The following GALNT16 variants were observed in gnomAD, a reference collection of about 807,000 sequenced individuals.
The protein encoded by GALNT16 is UDP-GalNAc:polypeptide N-acetylgalactosaminyltransferase-like protein 1.
A neutral mutation model predicts 76.1 loss-of-function variants in GALNT16; 40 were observed. That is an observed-to-expected ratio of 0.53 (90% confidence interval 0.41 to 0.68). The LOEUF (loss-of-function observed/expected upper bound fraction) is 0.68. GALNT16 is among the 30% of genes least tolerant of loss of function. The pLI is 0.00. For synonymous variants in GALNT16, 276 were observed against 285.2 expected, an observed-to-expected ratio of 0.97 and a Z score of 0.32; for missense variants, 621 against 731.9, an observed-to-expected ratio of 0.85 and a Z score of 1.75.
chr14:69,276,234 AAAG>A lies in GALNT16; in HGVS notation c.177+15772_177+15774del, dbSNP rs944674887. The stretch of plus-strand genomic sequence containing the variant: ...CATCTGTTTCCAAAAAAAGAAAAAA[AAAG>A]AAGACCAAAGAAGATACACAGCGCA... On this transcript the variant is annotated intron_variant, in intron 1 of 14. Transcript: ENST00000448469. Among the ~76,000 whole-genome samples, 6 of 152,366 alleles carry A rather than the reference AAAG, an allele frequency of 3.9e-5. 1 individual carries two copies. In the Middle Eastern group the frequency reaches 0.017, roughly 432 times the overall value.
At chr14:69,355,004 G>T (rs1356853574), downstream of GALNT16, 1 of 152,210 alleles carries the variant, frequency 6.6e-6, no homozygotes, top group Admixed American at 6.5e-5. Flanking sequence ...GACCAGCTTT[G>T]CTTGATTGGG....
chr14:69,358,716 A>G (rs1594876762), downstream of GALNT16: 2 of 152,370 alleles, frequency 1.3e-5, no homozygotes, highest in African/African-American at 2.4e-5. Flanking sequence ...CATCACACCC[A>G]TCATCAAGCC....
Position 69,320,409 on chromosome 14 carries a change from C to T in GALNT16, c.178-302C>T, listed in dbSNP as rs571932581. Among the ~76,000 whole-genome samples the T allele has an allele frequency of 4.2e-4, 64 of 151,816 alleles. No homozygotes were observed. The East Asian group carries it at 0.011, about 26-fold the overall frequency. On this transcript the variant is annotated intron_variant, in intron 1 of 14. Transcript: ENST00000448469. The stretch of plus-strand genomic sequence containing the variant: ...ACTTGGGAGGCTGAGACAGGAGAAT[C>T]GCTTCAACCTGGGAGGCAGAGGTTG...
At chr14:69,275,855 T>G in intron 1 of GALNT16, among the ~76,000 whole-genome samples, 1 of 152,202 alleles carries the variant, frequency 6.6e-6, no homozygotes, top group East Asian at 1.9e-4. Flanking sequence ...AAGTGAGACA[T>G]GTATTAGTCC....
the GALNT16 span, among the ~76,000 whole-genome samples, chr14:69,385,373 C>T: frequency 6.6e-6 from 1 of 152,136 alleles, no homozygotes; most frequent in Non-Finnish European, 1.5e-5. Flanking sequence ...ACCTGTAACA[C>T]CTGTTTCAAA....
intron 5 of GALNT16, among the ~76,000 whole-genome samples, chr14:69,327,585 G>A (rs1030009129): frequency 6.6e-6 from 1 of 152,178 alleles, no homozygotes; most frequent in African/African-American, 2.4e-5. Flanking sequence ...GAGATTGATG[G>A]GCTTTTGGCT....
chr14:69,307,385 G>T (rs1289259409), intron 1 of GALNT16, among the ~76,000 whole-genome samples: 1 of 152,196 alleles, frequency 6.6e-6, no homozygotes, highest in African/African-American at 2.4e-5. Context: ...TTCAGCATTT[G>T]CTCCATGATC....
At chr14:69,366,680 A>G in the GALNT16 span, among the ~76,000 whole-genome samples, 1 of 152,210 alleles carries the variant, frequency 6.6e-6, no homozygotes. Flanking sequence ...TCCCTGCCTC[A>G]TACTCCTTTA....
chr14:69,321,171 C>A (rs1300351305), intron 2 of GALNT16, among the ~76,000 whole-genome samples: 1 of 152,200 alleles, frequency 6.6e-6, no homozygotes, highest in Non-Finnish European at 1.5e-5. Context: ...GTGAGCCAGG[C>A]GCTCTTGGGG....
At chr14:69,326,639 G>T (rs2045289118) in intron 5 of GALNT16, among the ~76,000 whole-genome samples, 1 of 152,200 alleles carries the variant, frequency 6.6e-6, no homozygotes, top group Non-Finnish European at 1.5e-5. Context: ...GACAGGTAAA[G>T]GGGAGCAAGG....
the GALNT16 span, among the ~76,000 whole-genome samples, chr14:69,368,777 T>A: frequency 6.6e-6 from 1 of 152,308 alleles, no homozygotes; most frequent in Admixed American, 6.5e-5. Flanking sequence ...TCAGAACATT[T>A]CTTGGGATCT....
chr14:69,354,479 C>G (rs1240655022), downstream of GALNT16: 1 of 152,814 alleles, frequency 6.5e-6, no homozygotes, highest in East Asian at 1.9e-4. Context: ...CATGCACCAG[C>G]GCCTTCCTTT....
intron 1 of GALNT16, among the ~76,000 whole-genome samples, chr14:69,311,740 C>T (rs891229016): frequency 2.0e-5 from 3 of 152,212 alleles, no homozygotes; most frequent in Admixed American, 1.3e-4. Flanking sequence ...TATAAACCGA[C>T]ATGCCCAGCT....
the GALNT16 span, among the ~76,000 whole-genome samples, chr14:69,373,665 C>T: frequency 6.6e-6 from 1 of 152,328 alleles, no homozygotes; most frequent in African/African-American, 2.4e-5. Context: ...GACAGGAAAG[C>T]AAATCACTAA....
intron 1 of GALNT16, among the ~76,000 whole-genome samples, chr14:69,271,371 A>T (rs2044405725): frequency 6.6e-6 from 1 of 152,212 alleles, no homozygotes; most frequent in African/African-American, 2.4e-5. Flanking sequence ...AGGGCAGGCC[A>T]ACCAGAGAGC....
intron 1 of GALNT16, among the ~76,000 whole-genome samples, chr14:69,296,697 CAAAAT>C (rs146094337): frequency 0.07 from 10,494 of 149,312 alleles, 650 homozygotes; most frequent in East Asian, 0.32. Context: ...TGTCTCAACA[CAAAAT>C]AAAACTAGAT....
At chr14:69,283,339 C>T (rs1456182924) in intron 1 of GALNT16, among the ~76,000 whole-genome samples, 2 of 152,194 alleles carry the variant, frequency 1.3e-5, no homozygotes, top group African/African-American at 4.8e-5. Flanking sequence ...TTGGTGGGCA[C>T]ACAGTAAATG....
In GALNT16 at chr14:69,275,713, G is replaced by A. The variant is rs1346620333; in HGVS notation, c.177+15246G>A. Among the ~76,000 whole-genome samples, 4 of 152,176 alleles carry A rather than the reference G, an allele frequency of 2.6e-5. No individual in the cohort carries two copies. The East Asian group carries it at 7.7e-4, about 29-fold the overall frequency. On this transcript the variant is annotated intron_variant, in intron 1 of 14. Coordinates refer to ENST00000448469, the MANE Select transcript of GALNT16 (RefSeq NM_001168368.2). ...CTCTACAAAAATTTGTTTTTAATTA[G>A]CCAGGCATGGTGGCATGCACCGAGT...
intron 9 of GALNT16, among the ~76,000 whole-genome samples, chr14:69,336,790 C>T (rs865908427): frequency 1.3e-5 from 2 of 151,954 alleles, no homozygotes; most frequent in African/African-American, 2.4e-5. Flanking sequence ...TGCAGTGGCA[C>T]GATCTTGGCT....
Sources: gnomAD v4.1 joint callset for allele counts (sites outside exome capture counted in the v4.1 genomes callset) on GRCh38, gnomAD v4.1.1 for gene constraint, MANE v1.5 for transcripts, NCBI Gene and HGNC (gene_info 2026-07-23, HGNC 2026-07-21) for gene names.